Variants in BRIP1 observed in about 807,000 individuals in gnomAD.
BRIP1 encodes the protein BRCA1 interacting DNA helicase 1.
A neutral mutation model predicts 119.7 loss-of-function variants in BRIP1; 88 were observed. That is an observed-to-expected ratio of 0.74 (90% CI 0.62 to 0.88). The LOEUF (loss-of-function observed/expected upper bound fraction) is 0.88. Ranked by LOEUF, BRIP1 falls within the 40% of genes least tolerant of loss-of-function variation. The pLI is 0.00. For synonymous variants in BRIP1, 443 were observed against 496.5 expected (o/e 0.89, Z 1.43); for missense variants, 1,259 against 1,455.4 (o/e 0.87, Z 2.20).
rs373774920 is a variant in BRIP1, at chr17:61,808,723, G to A, written c.662C>T (p.Thr221Ile). 6.2e-7 allele frequency: 1 copy of A among 1,613,616 alleles called. No individual in the cohort carries two copies. Among genetic ancestry groups the A allele is most frequent in the South Asian group, 1.1e-5 (1 of 91,080 alleles). ...PGHCSRCCCS[T>I]KQGNSQESSN... ...TGACTCTTGACTGTTTCCTTGTTTAGTAGAACAACAGCACCTAGAACAGTG... is the reference window on the plus strand; with the variant it reads ...TGACTCTTGACTGTTTCCTTGTTTAATAGAACAACAGCACCTAGAACAGTG... The change falls in exon 7 of 20, where the codon ACT (threonine) becomes ATT (isoleucine). Residue 221 changes from threonine (T) to isoleucine (I), a missense_variant. By Grantham distance (89) the Thr-to-Ile change is moderately conservative. Coordinates refer to ENST00000259008, the MANE Select transcript of BRIP1 (RefSeq NM_032043.3). The surrounding 1 kb of genome is among the most constrained non-coding windows in gnomAD (Gnocchi z 4.1).
rs1305054560 is a variant in BRIP1 at position 61,687,568 on chromosome 17, A to G, written c.2576-1403T>C. On this transcript the variant is annotated intron_variant, in intron 18 of 19. Coordinates refer to ENST00000259008, the MANE Select transcript of BRIP1 (RefSeq NM_032043.3). The surrounding 1 kb of genome is among the most constrained non-coding windows in gnomAD (Gnocchi z 5.1). ...GAAAAGGTAGAGTCTACACCCACAC[A>G]TGGCTAATCTAAAACAAAATTTAAC... 1.3e-5 allele frequency among the ~76,000 whole-genome samples: 2 copies of G among 152,212 alleles called. No homozygotes were observed. The highest frequency in any genetic ancestry group is 4.8e-5 in the African/African-American group (2 of 41,464).
rs1225492385 is a variant in BRIP1 at position 61,769,580 on chromosome 17, A to T, written c.2097+6821T>A. Among the ~76,000 whole-genome samples the T allele has an allele frequency of 2.0e-5, 3 of 152,170 alleles. No individual in the cohort carries two copies. The highest frequency in any genetic ancestry group is 4.4e-5 in the Non-Finnish European group (3 of 68,014). On this transcript the variant is annotated intron_variant, in intron 14 of 19. Transcript: ENST00000259008. The surrounding 1 kb of genome is among the most constrained non-coding windows in gnomAD (Gnocchi z 4.9). ...GATTCTGAAACTCAGTAGCAAATTT[A>T]TTTTTGCCAATTTTATTGGACTTCT... is the stretch of plus-strand genomic sequence containing the variant.
chr17:61,780,900 TTTC>T lies in BRIP1; in HGVS notation c.1731_1733del (p.Lys578del), dbSNP rs1355330975. 6.2e-7 allele frequency: 1 copy of T among 1,614,194 alleles called. No individual in the cohort carries two copies. Among genetic ancestry groups the T allele is most frequent in the Non-Finnish European group, 8.5e-7 (1 of 1,180,028 alleles). On this transcript the variant is annotated inframe_deletion, in exon 12 of 20. Coordinates refer to ENST00000259008, the MANE Select transcript of BRIP1 (RefSeq NM_032043.3). The surrounding 1 kb of genome is among the most constrained non-coding windows in gnomAD (Gnocchi z 5.4). The stretch of plus-strand genomic sequence containing the variant: ...GAACTGCAGTTTTCTGTCGTGAACG[TTTC>T]TTATTTTTTGGTAGAACCAACAACC...
At position 61,843,980 on chromosome 17, in the gene BRIP1, A is replaced by G. The variant is rs184034403; in HGVS notation, c.627+3121T>C. Among the ~76,000 whole-genome samples the G allele has an allele frequency of 5.9e-5, 9 of 151,948 alleles. No individual in the cohort carries two copies. The highest frequency in any genetic ancestry group is 1.0e-4 in the Non-Finnish European group (7 of 67,990). Reference sequence around the variant, plus strand: ...CGCTCTGTCACCCAGACTGGAGTACAGTGGTTCAATCATAGTTCAATACAG... The same window carrying G: ...CGCTCTGTCACCCAGACTGGAGTACGGTGGTTCAATCATAGTTCAATACAG... On this transcript the variant is annotated intron_variant, in intron 6 of 19. Coordinates refer to ENST00000259008, the MANE Select transcript of BRIP1 (RefSeq NM_032043.3). The surrounding 1 kb of genome is among the most constrained non-coding windows in gnomAD (Gnocchi z 5.7).
rs1271580298 is a variant in BRIP1, at chr17:61,717,237, A to G, written c.2380-1174T>C. On this transcript the variant is annotated intron_variant, in intron 16 of 19. Transcript: ENST00000259008. The surrounding 1 kb of genome is among the most constrained non-coding windows in gnomAD (Gnocchi z 4.1). ...ATTAACATTAGTACATTAGTATTAA[A>G]TAATCTATGTATTTTATTCAGATTT... 6.6e-6 allele frequency among the ~76,000 whole-genome samples: 1 copy of G among 152,100 alleles called. No individual in the cohort carries two copies. The highest frequency in any genetic ancestry group is 1.5e-5 in the Non-Finnish European group (1 of 67,972).
Position 61,683,069 on chromosome 17 carries a change from T to A in BRIP1, c.*227A>T. 1 of 484,792 alleles carries A rather than the reference T, an allele frequency of 2.1e-6. No homozygotes were observed. The highest frequency in any genetic ancestry group is 3.6e-6 in the Non-Finnish European group (1 of 275,010). The allele number at this position is 484,792 out of a possible 1,614,324, so 30.0% of individuals were successfully genotyped here. A position where few individuals can be genotyped will look rare whatever the true frequency, so the allele number is the denominator to read the frequency against. ...ATCACTTGAACCTGGAGGTGAAGGT[T>A]GCAGTGAGCCCAGAGCACACCACTG... On this transcript the variant is annotated 3_prime_UTR_variant, in exon 20 of 20. Transcript: ENST00000259008. The surrounding 1 kb of genome is among the most constrained non-coding windows in gnomAD (Gnocchi z 4.7).
At chr17:61,741,618 C>T (rs1293429504) in intron 16 of BRIP1, among the ~76,000 whole-genome samples, 2 of 152,182 alleles carry the variant, frequency 1.3e-5, no homozygotes, top group African/African-American at 2.4e-5. Flanking sequence ...CCTTGTACAT[C>T]TCCATAGAGT....
chr17:61,829,085 C>T (rs1479516600), intron 6 of BRIP1, among the ~76,000 whole-genome samples: 1 of 151,870 alleles, frequency 6.6e-6, no homozygotes, highest in African/African-American at 2.4e-5. Flanking sequence ...AAACAGAAAA[C>T]AAATAGTAAC....
In BRIP1 at chr17:61,752,467, T is replaced by C. The variant is rs1194854888; in HGVS notation, c.2098-7876A>G. Among the ~76,000 whole-genome samples the C allele has an allele frequency of 6.6e-6, 1 of 152,224 alleles. No individual in the cohort carries two copies. The highest frequency in any genetic ancestry group is 2.4e-5 in the African/African-American group (1 of 41,458). On this transcript the variant is annotated intron_variant, in intron 14 of 19. Coordinates refer to ENST00000259008, the MANE Select transcript of BRIP1 (RefSeq NM_032043.3). The surrounding 1 kb of genome is among the most constrained non-coding windows in gnomAD (Gnocchi z 6.2). ...GTTGAACTCACTGTTCACTATTAAT[T>C]AAGGTTCCAGACTTAGCAAAATTAT...
rs773639563 is a variant in BRIP1 at position 61,684,141 on chromosome 17, C to T, written c.2906-1G>A. On this transcript the variant is annotated splice_acceptor_variant, in intron 19 of 19. Transcript: ENST00000259008. LOFTEE classifies it high-confidence loss of function. This position sits in a 1 kb window ranked among gnomAD's most constrained non-coding sequence, Gnocchi z 4.5. Reference sequence around the variant, plus strand: ...GCTTCTTCCAGGAATACTGGATCATCTAAGAATACAAGAATTTAAGAGATT... The same window carrying T: ...GCTTCTTCCAGGAATACTGGATCATTTAAGAATACAAGAATTTAAGAGATT... The T allele has an allele frequency of 2.5e-6, 4 of 1,612,972 alleles. No homozygotes were observed. Among genetic ancestry groups the T allele is most frequent in the Admixed American group, 1.7e-5 (1 of 59,866 alleles).
In BRIP1 at chr17:61,828,402, C is replaced by T. The variant is rs2078441264; in HGVS notation, c.627+18699G>A. Among the ~76,000 whole-genome samples, 1 of 151,558 alleles carries T rather than the reference C, an allele frequency of 6.6e-6. No individual in the cohort carries two copies. The highest frequency in any genetic ancestry group is 1.5e-5 in the Non-Finnish European group (1 of 67,926). On this transcript the variant is annotated intron_variant, in intron 6 of 19. Transcript: ENST00000259008. The surrounding 1 kb of genome is among the most constrained non-coding windows in gnomAD (Gnocchi z 4.1). ...GAACGGCATTTTTCCTGGGGCTGGA[C>T]AATAGGGAAATACAGAGATATTGTT...
intron 6 of BRIP1, among the ~76,000 whole-genome samples, chr17:61,820,162 T>C (rs1021180186): frequency 1.3e-5 from 2 of 152,192 alleles, no homozygotes; most frequent in African/African-American, 4.8e-5. Context: ...ATCTCCCACC[T>C]TACATCAAAA....
intron 14 of BRIP1, among the ~76,000 whole-genome samples, chr17:61,765,955 A>G (rs1250376630): frequency 6.6e-6 from 1 of 152,016 alleles, no homozygotes; most frequent in African/African-American, 2.4e-5. Context: ...ATCCTCTTTC[A>G]GAGTAGCTCT....
rs71153405 is a variant in BRIP1 at position 61,804,410 on chromosome 17, A to ATGTG, written c.919-2940_919-2937dup. Among the ~76,000 whole-genome samples, 152 of 125,502 alleles carry ATGTG rather than the reference A, an allele frequency of 1.2e-3. No homozygotes were observed. Among genetic ancestry groups the ATGTG allele is most frequent in the African/African-American group, 2.7e-3 (81 of 30,172 alleles). 82.3% of individuals were successfully genotyped at this position (125,502 alleles called of 152,430 possible). ...AAGACTTTGAGGCAGCTATATACAT[A>ATGTG]TGTGTGTGTGTGTGTGTGTGTGTGT... On this transcript the variant is annotated intron_variant, in intron 7 of 19. Coordinates refer to ENST00000259008, the MANE Select transcript of BRIP1 (RefSeq NM_032043.3). This position sits in a 1 kb window ranked among gnomAD's most constrained non-coding sequence, Gnocchi z 4.5.
intron 16 of BRIP1, among the ~76,000 whole-genome samples, chr17:61,723,431 T>A (rs1207518656): frequency 6.6e-6 from 1 of 152,230 alleles, no homozygotes; most frequent in African/African-American, 2.4e-5. Flanking sequence ...ATCTTGTAAC[T>A]GTCAAAGAGA....
Position 61,683,573 on chromosome 17 carries a change from A to C in BRIP1, c.3473T>G (p.Leu1158Trp), listed in dbSNP as rs876659655. 1.9e-6 allele frequency: 3 copies of C among 1,612,764 alleles called. No homozygotes were observed. The highest frequency in any genetic ancestry group is 2.5e-6 in the Non-Finnish European group (3 of 1,179,972). Reference sequence around the variant, plus strand: ...TAAAATGCAATCTGAATTGTTAGCCAATCTATTTCCTCTATCAGTTTCAGC... The same window carrying C: ...TAAAATGCAATCTGAATTGTTAGCCCATCTATTTCCTCTATCAGTTTCAGC... ...DLAETDRGNR[L>W]ANNSDCILAK... Residue 1158 changes from leucine (L) to tryptophan (W), a missense_variant, in exon 20 of 20, where the codon TTG (leucine) becomes TGG (tryptophan). Physicochemically the swap from Leu to Trp is moderately conservative, Grantham distance 61 (BLOSUM62 -2). Transcript: ENST00000259008. This position sits in a 1 kb window ranked among gnomAD's most constrained non-coding sequence, Gnocchi z 4.7.
rs1446337191 is a variant in BRIP1, at chr17:61,724,521, C to T, written c.2380-8458G>A. Among the ~76,000 whole-genome samples the T allele has an allele frequency of 6.6e-6, 1 of 152,038 alleles. No homozygotes were observed. Among genetic ancestry groups the T allele is most frequent in the East Asian group, 1.9e-4 (1 of 5,192 alleles). ...TAGCCTTTTTAAAGTTTATCAGTAG[C>T]TTCTGAAAAAATAAATGGTGTGATA... is the stretch of plus-strand genomic sequence containing the variant. On this transcript the variant is annotated intron_variant, in intron 16 of 19. Transcript: ENST00000259008. This position sits in a 1 kb window ranked among gnomAD's most constrained non-coding sequence, Gnocchi z 5.1.
chr17:61,772,740 C>T (rs562269522), intron 14 of BRIP1, among the ~76,000 whole-genome samples: 1 of 147,528 alleles, frequency 6.8e-6, no homozygotes, highest in South Asian at 2.2e-4. Flanking sequence ...ATCACTTGAA[C>T]CCGGGAGGCA....
rs1283405804 is a variant in BRIP1 at position 61,682,360 on chromosome 17, A to AT, written c.*935dup. Reference sequence around the variant, plus strand: ...TATATAATACTAAGCAGGATCTAGTATTTTTTTCCACAATGATGGTGAAGC... The same window carrying AT: ...TATATAATACTAAGCAGGATCTAGTATTTTTTTTCCACAATGATGGTGAAGC... On this transcript the variant is annotated 3_prime_UTR_variant, in exon 20 of 20. Transcript: ENST00000259008. This position sits in a 1 kb window ranked among gnomAD's most constrained non-coding sequence, Gnocchi z 4.9. 3 of 204,364 alleles carry AT rather than the reference A, an allele frequency of 1.5e-5. No individual in the cohort carries two copies. Among genetic ancestry groups the AT allele is most frequent in the Admixed American group, 6.0e-5 (1 of 16,786 alleles). The allele number at this position is 204,364 out of a possible 1,614,324, so 12.7% of individuals were successfully genotyped here. A position where few individuals can be genotyped will look rare whatever the true frequency, so the allele number is the denominator to read the frequency against.
Sources: allele counts gnomAD v4.1 joint callset (sites outside exome capture counted in the v4.1 genomes callset), GRCh38; gene constraint gnomAD v4.1.1; non-coding constraint Gnocchi (gnomAD v3.1); transcripts MANE v1.5; gene names NCBI Gene and HGNC (gene_info 2026-07-23, HGNC 2026-07-21).